Variants in TDRD9 observed in about 807,000 individuals in gnomAD.
The protein encoded by TDRD9 is ATP-dependent RNA helicase TDRD9.
Under a neutral mutation model 172.6 loss-of-function variants are expected in TDRD9, and 124 were observed. The observed-to-expected ratio is 0.72, with a 90% CI of 0.62 to 0.83. The LOEUF (loss-of-function observed/expected upper bound fraction) is 0.83, where lower values mean the gene tolerates loss of function less well. TDRD9 is among the 40% of genes least tolerant of loss of function. The pLI is 0.00. For synonymous variants in TDRD9, 619 were observed against 617.1 expected (o/e 1.00, Z -0.05); for missense variants, 1,479 against 1,714.1 (o/e 0.86, Z 2.42).
At chr14:103,972,364 C>G (rs901299496) in intron 6 of TDRD9, among the ~76,000 whole-genome samples, 1 of 151,782 alleles carries the variant, frequency 6.6e-6, no homozygotes, top group African/African-American at 2.4e-5. Flanking sequence ...TCCCTGTGTT[C>G]GAAATAGCAC....
intron 35 of TDRD9, among the ~76,000 whole-genome samples, chr14:104,051,028 G>A (rs2035922370): frequency 6.6e-6 from 1 of 152,098 alleles, no homozygotes. Context: ...TTGGGTAGGT[G>A]GCATAATGCT....
At chr14:104,029,780 C>T (rs2152249511) in intron 28 of TDRD9, among the ~76,000 whole-genome samples, 1 of 152,244 alleles carries the variant, frequency 6.6e-6, no homozygotes, top group South Asian at 2.1e-4. Context: ...TGGCAGTTTT[C>T]CCCTCTTCAG....
intron 19 of TDRD9, among the ~76,000 whole-genome samples, chr14:104,007,749 C>T (rs761928295): frequency 4.6e-5 from 7 of 151,198 alleles, no homozygotes; most frequent in Non-Finnish European, 8.8e-5. Context: ...AGATATATCT[C>T]TACCAATACA....
intron 8 of TDRD9, among the ~76,000 whole-genome samples, chr14:103,986,783 G>C (rs1391268236): frequency 6.6e-6 from 1 of 152,082 alleles, no homozygotes; most frequent in South Asian, 2.1e-4. Flanking sequence ...TTTCCCTGAG[G>C]AACAGTTTTA....
At position 103,980,548 on chromosome 14, in the gene TDRD9, A is replaced by G. The variant is rs547442064; in HGVS notation, c.1011+4995A>G. ...ACAGGATGGAACATGAAAGCAGACT[A>G]GGAGTGTGACCACTGAAGCACAGCA... On this transcript the variant is annotated intron_variant, in intron 7 of 35. Coordinates refer to ENST00000409874, the MANE Select transcript of TDRD9 (RefSeq NM_153046.3). This position sits in a 1 kb window ranked among gnomAD's most constrained non-coding sequence, Gnocchi z 4.5. Among the ~76,000 whole-genome samples, 9 of 152,326 alleles carry G rather than the reference A, an allele frequency of 5.9e-5. No individual in the cohort carries two copies. The East Asian group carries it at 1.7e-3, about 29-fold the overall frequency.
At chr14:103,977,365 T>A (rs1595937962) in intron 7 of TDRD9, among the ~76,000 whole-genome samples, 1 of 151,590 alleles carries the variant, frequency 6.6e-6, no homozygotes, top group Non-Finnish European at 1.5e-5. Flanking sequence ...TGGCGGCAGG[T>A]GCCTGTAGTC....
At chr14:104,006,899 A>G (rs2034458340) in intron 18 of TDRD9, 54 bp downstream of exon 18, 5 of 1,450,724 alleles carry the variant, frequency 3.4e-6, no homozygotes, top group Non-Finnish European at 4.8e-6. Flanking sequence ...TTGTTAGTAC[A>G]TTTTCATACC....
chr14:103,970,908 A>G (rs1407101371), intron 6 of TDRD9, among the ~76,000 whole-genome samples: 1 of 152,072 alleles, frequency 6.6e-6, no homozygotes, highest in Non-Finnish European at 1.5e-5. Context: ...TTAAATTTGT[A>G]TTTTTATTTT....
At chr14:103,977,000 G>T (rs544026544) in intron 7 of TDRD9, among the ~76,000 whole-genome samples, 2 of 152,266 alleles carry the variant, frequency 1.3e-5, no homozygotes, top group African/African-American at 4.8e-5. Context: ...GGGATTACAT[G>T]TGTGAATCAC....
chr14:104,014,863 A>ATTT, intron 21 of TDRD9, 22 bp downstream of exon 21: 1 of 1,321,124 alleles, frequency 7.6e-7, no homozygotes, highest in South Asian at 1.3e-5. Flanking sequence ...TTTCCTGGAT[A>ATTT]TTTTTTTTCC....
chr14:104,043,402 A>C (rs187914170), intron 34 of TDRD9, among the ~76,000 whole-genome samples: 13 of 152,066 alleles, frequency 8.5e-5, no homozygotes, highest in South Asian at 2.1e-4. Context: ...CACCATGCCC[A>C]GCTAATTTTT....
chr14:104,002,594 G>A (rs868481152), intron 13 of TDRD9, among the ~76,000 whole-genome samples: 1 of 152,166 alleles, frequency 6.6e-6, no homozygotes, highest in African/African-American at 2.4e-5. Context: ...GCTGAAACCC[G>A]GTGATTGGCA....
chr14:103,974,534 A>G (rs2033159967), intron 6 of TDRD9, among the ~76,000 whole-genome samples: 5 of 152,072 alleles, frequency 3.3e-5, no homozygotes, highest in Non-Finnish European at 2.9e-5. Context: ...GGACTTCTCC[A>G]GTTTCTTGAG....
At chr14:103,932,180 T>C (rs2030433417) in intron 1 of TDRD9, among the ~76,000 whole-genome samples, 1 of 152,194 alleles carries the variant, frequency 6.6e-6, no homozygotes, top group Non-Finnish European at 1.5e-5. Flanking sequence ...CTGCTATGTT[T>C]TTGCGATTTG....
At chr14:104,011,993 T>C (rs768206254) in intron 20 of TDRD9, among the ~76,000 whole-genome samples, 2 of 152,094 alleles carry the variant, frequency 1.3e-5, no homozygotes, top group Admixed American at 6.5e-5. Context: ...TAGAGTCTTA[T>C]GGACAGTGAT....
rs186416563 is a variant in TDRD9 at position 103,965,588 on chromosome 14, C to A, written c.642+34C>A. 4,671 of 1,484,908 alleles carry A rather than the reference C, an allele frequency of 3.1e-3. 31 individuals carry two copies. Among genetic ancestry groups the A allele is most frequent in the Non-Finnish European group, 3.7e-3 (4,079 of 1,088,924 alleles). The allele number at this position is 1,484,908 out of a possible 1,614,324, so 92.0% of individuals were successfully genotyped here. ...GGGAGGGAGGGAGGGACTAAGAGAG[C>A]CAGCTGTCTCTCTATTCCTTAATTT... On this transcript the variant is annotated intron_variant, in intron 4 of 35. Transcript: ENST00000409874.
chr14:103,938,893 G>T (rs17101941), intron 1 of TDRD9, among the ~76,000 whole-genome samples: 3,484 of 152,242 alleles, frequency 0.023, 79 homozygotes, highest in East Asian at 0.071. Context: ...AGTTTTAAAT[G>T]ACGTATACCA....
chr14:103,967,423 G>A (rs2152146567), intron 5 of TDRD9, among the ~76,000 whole-genome samples: 1 of 151,868 alleles, frequency 6.6e-6, no homozygotes, highest in South Asian at 2.1e-4. Context: ...TACTTGAGAG[G>A]CTGAGGTGGG....
At chr14:103,963,488 C>T (rs2032604293) in intron 3 of TDRD9, among the ~76,000 whole-genome samples, 1 of 150,724 alleles carries the variant, frequency 6.6e-6, no homozygotes, top group Non-Finnish European at 1.5e-5. Flanking sequence ...TAGTCTTCCC[C>T]AGGAGAGCTT....
Sources: allele counts gnomAD v4.1 joint callset (sites outside exome capture counted in the v4.1 genomes callset), GRCh38; gene constraint gnomAD v4.1.1; non-coding constraint Gnocchi (gnomAD v3.1); transcripts MANE v1.5; gene names NCBI Gene and HGNC (gene_info 2026-07-23, HGNC 2026-07-21).